Variants in TXNRD3 observed in about 807,000 individuals in gnomAD.
TXNRD3 encodes the protein thioredoxin reductase 3.
TXNRD3 carries 68 observed loss-of-function variants against 78.2 expected under a neutral mutation model. That is an observed-to-expected ratio of 0.87 (90% CI 0.72 to 1.06). The LOEUF is 1.06. TXNRD3 is among the 50% of genes least tolerant of loss of function. TXNRD3 has a pLI of 0.00. For synonymous variants in TXNRD3, 296 were observed against 300.1 expected (o/e 0.99, Z 0.14); for missense variants, 751 against 809.5 (o/e 0.93, Z 0.88).
chr3:126,607,950 T>C lies in TXNRD3; in HGVS notation c.1887A>G (p.Thr629=), dbSNP rs773442522. The change falls in exon 16 of 16, where the codon ACA becomes ACG. Residue 629 remains threonine, a synonymous_variant. Coordinates refer to ENST00000524230, the MANE Select transcript of TXNRD3 (RefSeq NM_052883.3). ...GAGTGATGTCTAGTCCTGACGACTT[T>C]GTGATTTCCAAAGTCGTGAACACCT... 1.3e-6 allele frequency: 2 copies of C among 1,505,908 alleles called. No homozygotes were observed. Among genetic ancestry groups the C allele is most frequent in the Non-Finnish European group, 1.8e-6 (2 of 1,124,562 alleles). The allele number at this position is 1,505,908 out of a possible 1,614,324, so 93.3% of individuals were successfully genotyped here.
Position 126,621,796 on chromosome 3 carries a change from G to A in TXNRD3, c.1470C>T (p.Ala490=). The A allele has an allele frequency of 6.5e-7, 1 of 1,534,478 alleles. No homozygotes were observed. Among genetic ancestry groups the A allele is most frequent in the Non-Finnish European group, 8.7e-7 (1 of 1,146,442 alleles). Residue 490 remains alanine, a synonymous_variant, in exon 12 of 16, where the codon GCC becomes GCT. Transcript: ENST00000524230. ...GAGCTAGCAGCTTGCCTGACTGTAT[G>A]GCGACAGGAGTGAGCTCTGGCTTAT...
chr3:126,626,866 G>A (rs926278474), intron 10 of TXNRD3, among the ~76,000 whole-genome samples: 11 of 152,090 alleles, frequency 7.2e-5, no homozygotes, highest in African/African-American at 2.2e-4. Context: ...CAAGACAGGA[G>A]GCTTGCTTAA....
chr3:126,635,162 G>T (rs1938826169), intron 6 of TXNRD3, among the ~76,000 whole-genome samples: 1 of 152,090 alleles, frequency 6.6e-6, no homozygotes, highest in East Asian at 1.9e-4. Context: ...CCATCCCCTA[G>T]AAAAGCTTTT....
intron 10 of TXNRD3, 57 bp downstream of exon 10, chr3:126,629,322 T>C (rs1938655333): frequency 2.5e-6 from 3 of 1,209,306 alleles, no homozygotes; most frequent in Non-Finnish European, 3.4e-6. Flanking sequence ...ATAAGTTTCA[T>C]TTCTGTTAAT....
At chr3:126,638,943 G>A (rs147579041) in intron 6 of TXNRD3, among the ~76,000 whole-genome samples, 61 of 152,266 alleles carry the variant, frequency 4.0e-4, no homozygotes, top group African/African-American at 1.4e-3. Flanking sequence ...GTAAGACAAT[G>A]GAGAACAGAC....
chr3:126,635,539 G>A (rs769617897), intron 6 of TXNRD3, among the ~76,000 whole-genome samples: 33 of 151,910 alleles, frequency 2.2e-4, no homozygotes, highest in Non-Finnish European at 4.6e-4. Context: ...TTTCTCAAAG[G>A]TTGCTTAGCT....
At chr3:126,612,226 T>C (rs779435661) in intron 13 of TXNRD3, among the ~76,000 whole-genome samples, 29 of 152,168 alleles carry the variant, frequency 1.9e-4, no homozygotes, top group Non-Finnish European at 2.5e-4. Flanking sequence ...TCTGTAGAGA[T>C]GGGGTGTCGC....
chr3:126,641,676 A>G (rs1933092266), intron 6 of TXNRD3, among the ~76,000 whole-genome samples: 1 of 152,250 alleles, frequency 6.6e-6, no homozygotes, highest in Non-Finnish European at 1.5e-5. Flanking sequence ...AACCAAAGAT[A>G]TATATAACCA....
At chr3:126,616,229 G>A (rs1350374083) in intron 12 of TXNRD3, among the ~76,000 whole-genome samples, 1 of 152,194 alleles carries the variant, frequency 6.6e-6, no homozygotes, top group Non-Finnish European at 1.5e-5. Context: ...GAAACCATGT[G>A]CATGGAGAGA....
Position 126,622,641 on chromosome 3 carries a change from A to C in TXNRD3, c.1291-101T>G, listed in dbSNP as rs1168673963. On this transcript the variant is annotated intron_variant, in intron 10 of 15. Coordinates refer to ENST00000524230, the MANE Select transcript of TXNRD3 (RefSeq NM_052883.3). ...CAGACATTAAAAGGGTAATAATGGA[A>C]TATTACAAACAATCTATGCCAATAA... 1.2e-5 allele frequency: 10 copies of C among 840,704 alleles called. No homozygotes were observed. The Middle Eastern group carries it at 7.1e-4, about 59-fold the overall frequency. 52.1% of individuals were successfully genotyped at this position (840,704 alleles called of 1,614,324 possible).
chr3:126,651,422 C>T (rs940750064), intron 1 of TXNRD3, among the ~76,000 whole-genome samples: 2 of 152,128 alleles, frequency 1.3e-5, no homozygotes, highest in Non-Finnish European at 2.9e-5. Flanking sequence ...TCATGGGACT[C>T]AAAATGGTGG....
intron 14 of TXNRD3, 65 bp from the exon 15 acceptor site, chr3:126,608,698 A>C: frequency 2.1e-6 from 3 of 1,455,164 alleles, no homozygotes; most frequent in Middle Eastern, 3.5e-4. Flanking sequence ...GGATCCATTC[A>C]CTGCAAATTC....
chr3:126,630,649 GAAGT>G, intron 9 of TXNRD3, 59 bp downstream of exon 9: 2 of 1,412,518 alleles, frequency 1.4e-6, no homozygotes, highest in Non-Finnish European at 1.9e-6. Context: ...GTAATGAAAT[GAAGT>G]AAGGTGAGAT....
chr3:126,638,676 A>C (rs1442868652), intron 6 of TXNRD3, among the ~76,000 whole-genome samples: 1 of 152,142 alleles, frequency 6.6e-6, no homozygotes, highest in Non-Finnish European at 1.5e-5. Flanking sequence ...GGAGGAACGC[A>C]GTGAGCTGAG....
chr3:126,632,865 ACT>A (rs1267119741), intron 7 of TXNRD3, among the ~76,000 whole-genome samples: 2 of 151,904 alleles, frequency 1.3e-5, no homozygotes, highest in Non-Finnish European at 2.9e-5. Flanking sequence ...TGAAACGGAG[ACT>A]CTGGAGTTTC....
chr3:126,631,917 TAC>T (rs1462455172), intron 7 of TXNRD3, 38 bp from the exon 8 acceptor site: 3 of 1,379,826 alleles, frequency 2.2e-6, no homozygotes, highest in African/African-American at 1.4e-5. Context: ...TAGCAAACAC[TAC>T]AGAGTACCAG....
At chr3:126,616,058 G>A (rs1938312458) in intron 12 of TXNRD3, among the ~76,000 whole-genome samples, 1 of 152,152 alleles carries the variant, frequency 6.6e-6, no homozygotes, top group East Asian at 1.9e-4. Flanking sequence ...ATAGTCCAGG[G>A]GTTAAGAAAG....
intron 5 of TXNRD3, among the ~76,000 whole-genome samples, chr3:126,643,197 G>C (rs565125323): frequency 1.3e-5 from 2 of 152,320 alleles, no homozygotes; most frequent in Admixed American, 1.3e-4. Context: ...AAGTGGCCAA[G>C]CTGCCCCAGA....
chr3:126,610,194 T>C (rs1233107344), intron 14 of TXNRD3, among the ~76,000 whole-genome samples: 1 of 152,226 alleles, frequency 6.6e-6, no homozygotes, highest in Non-Finnish European at 1.5e-5. Context: ...TCTGTTATAC[T>C]GAGAATAAGA....
Sources: gnomAD v4.1 joint callset for allele counts (sites outside exome capture counted in the v4.1 genomes callset) on GRCh38, gnomAD v4.1.1 for gene constraint, MANE v1.5 for transcripts, NCBI Gene and HGNC (gene_info 2026-07-23, HGNC 2026-07-21) for gene names.